Variants in CTNNA2 observed in about 807,000 individuals in gnomAD.
CTNNA2 encodes catenin alpha-2.
CTNNA2 carries 42 observed loss-of-function variants against 101.0 expected under a neutral mutation model. The ratio of observed to expected loss-of-function variants is 0.42; its 90% CI spans 0.32 to 0.54. The LOEUF is 0.54. Ranked by LOEUF, CTNNA2 falls within the 20% of genes least tolerant of loss-of-function variation. CTNNA2 has a pLI of 0.14. For missense variants in CTNNA2, 871 were observed against 1,223.1 expected (o/e 0.71, Z 4.29); for synonymous variants, 450 against 456.4 (o/e 0.99, Z 0.18).
chr2:79,188,985 T>C (rs1673817767), intron 1 of CTNNA2, among the ~76,000 whole-genome samples: 2 of 152,214 alleles, frequency 1.3e-5, no homozygotes, highest in Admixed American at 1.3e-4. Flanking sequence ...TTATTAAATA[T>C]GGTCAAACCA....
At chr2:79,612,846 A>T (rs1335747499) in intron 1 of CTNNA2, among the ~76,000 whole-genome samples, 1 of 152,144 alleles carries the variant, frequency 6.6e-6, no homozygotes, top group African/African-American at 2.4e-5. Context: ...TCATAGTTTA[A>T]TTTTTTTAAA....
At chr2:80,185,061 T>G (rs542492023) in intron 7 of CTNNA2, among the ~76,000 whole-genome samples, 20 of 152,340 alleles carry the variant, frequency 1.3e-4, no homozygotes, top group African/African-American at 4.6e-4. Flanking sequence ...CTGTGAGTTG[T>G]GAATTCAAGT....
At chr2:79,866,408 A>T (rs1682102512) in intron 4 of CTNNA2, 1 of 152,220 alleles carries the variant, frequency 6.6e-6, no homozygotes, top group South Asian at 2.1e-4. Context: ...GCCTGGCTGT[A>T]ATGTCCAAGA....
intron 7 of CTNNA2, among the ~76,000 whole-genome samples, chr2:80,158,013 C>T: frequency 6.6e-6 from 1 of 152,182 alleles, no homozygotes; most frequent in Non-Finnish European, 1.5e-5. Flanking sequence ...CTGAGCCTCT[C>T]ATGAGATTTT....
intron 6 of CTNNA2, among the ~76,000 whole-genome samples, chr2:79,902,498 C>G (rs1280440134): frequency 1.3e-5 from 2 of 152,254 alleles, no homozygotes; most frequent in Admixed American, 6.5e-5. Flanking sequence ...ATACCACTAC[C>G]CGATGTTCAT....
chr2:80,475,684 G>C (rs530943236), intron 9 of CTNNA2, among the ~76,000 whole-genome samples: 148 of 152,192 alleles, frequency 9.7e-4, no homozygotes, highest in Middle Eastern at 3.4e-3. Context: ...CATTTGAAGA[G>C]CTGCCTTAAT....
At chr2:80,130,120 C>T (rs910573502) in intron 7 of CTNNA2, among the ~76,000 whole-genome samples, 3 of 151,984 alleles carry the variant, frequency 2.0e-5, no homozygotes, top group Non-Finnish European at 4.4e-5. Context: ...CAAAGAGAAC[C>T]TATAACCCTT....
chr2:80,519,082 A>G (rs57493148), intron 9 of CTNNA2, among the ~76,000 whole-genome samples: 2,000 of 152,218 alleles, frequency 0.013, 51 homozygotes, highest in African/African-American at 0.045. Context: ...GCTTGATTTG[A>G]TAAGGGAATA....
At chr2:79,433,365 T>C (rs1678676697) in intron 4 of CTNNA2, among the ~76,000 whole-genome samples, 1 of 152,174 alleles carries the variant, frequency 6.6e-6, no homozygotes, top group African/African-American at 2.4e-5. Flanking sequence ...GCAAGTCAGA[T>C]CTCAGGTGAG....
At position 80,053,872 on chromosome 2, in the gene CTNNA2, G is replaced by A. The variant is rs560218890; in HGVS notation, c.1056+144075G>A. ...CTGTCATTTCTTAGCAAATTTGTAT[G>A]TAGATATGAAAGCATGCATCTTCAT... On this transcript the variant is annotated intron_variant, in intron 7 of 18. Coordinates refer to ENST00000402739, the MANE Select transcript of CTNNA2 (RefSeq NM_001282597.3). Among the ~76,000 whole-genome samples the A allele has an allele frequency of 1.1e-4, 16 of 152,290 alleles. 1 individual carries two copies. Among genetic ancestry groups the A allele is most frequent in the Admixed American group, 1.0e-3 (16 of 15,302 alleles).
chr2:79,312,483 G>A (rs184700765), intron 2 of CTNNA2, among the ~76,000 whole-genome samples: 140 of 152,236 alleles, frequency 9.2e-4, no homozygotes, highest in Non-Finnish European at 1.4e-3. Flanking sequence ...TGAGTACTTT[G>A]TGTGTCAGAA....
At chr2:80,597,489 T>C (rs1427224762) in intron 15 of CTNNA2, among the ~76,000 whole-genome samples, 1 of 152,098 alleles carries the variant, frequency 6.6e-6, no homozygotes, top group Admixed American at 6.5e-5. Flanking sequence ...CGAATTAATC[T>C]AAAGAGCTTC....
intron 11 of CTNNA2, among the ~76,000 whole-genome samples, chr2:80,547,230 A>G (rs973875408): frequency 2.0e-5 from 3 of 152,162 alleles, no homozygotes; most frequent in Non-Finnish European, 2.9e-5. Context: ...CAGCTTTTCA[A>G]TGATGGGGCA....
chr2:79,695,990 T>C (rs1054614828), intron 2 of CTNNA2, among the ~76,000 whole-genome samples: 1 of 151,948 alleles, frequency 6.6e-6, no homozygotes, highest in Non-Finnish European at 1.5e-5. Context: ...GCCAGGATGG[T>C]GTGGCTACCT....
At chr2:79,694,270 AG>A (rs1468165927) in intron 2 of CTNNA2, among the ~76,000 whole-genome samples, 1 of 152,022 alleles carries the variant, frequency 6.6e-6, no homozygotes, top group Non-Finnish European at 1.5e-5. Context: ...AGTAAAGTTC[AG>A]AAAGAAAAAA....
At chr2:80,151,781 C>A (rs547399152) in intron 7 of CTNNA2, among the ~76,000 whole-genome samples, 1 of 152,300 alleles carries the variant, frequency 6.6e-6, no homozygotes, top group South Asian at 2.1e-4. Flanking sequence ...ATGTTTCTGG[C>A]AAGGGTTGCC....
rs115160887 is a variant in CTNNA2 at position 79,715,743 on chromosome 2, T to C, written c.103-28644T>C. Among the ~76,000 whole-genome samples, 1,441 of 152,218 alleles carry C rather than the reference T, an allele frequency of 9.5e-3. 26 individuals carry two copies. Among genetic ancestry groups the C allele is most frequent in the African/African-American group, 0.033 (1,360 of 41,520 alleles). ...GAAACTTGGTAAAAAGAAATATATGTATAAATATGGAGCCATTGGACCGTC... is the reference window on the plus strand; with the variant it reads ...GAAACTTGGTAAAAAGAAATATATGCATAAATATGGAGCCATTGGACCGTC... On this transcript the variant is annotated intron_variant, in intron 2 of 18. Transcript: ENST00000402739.
chr2:79,860,546 G>GTTTTTTTTTTTTTTTTTTTTTTT lies in CTNNA2; in HGVS notation c.465+2386_465+2387insTTTTTTTTTTTTTTTTTTTTTTT, dbSNP rs56929879. Among the ~76,000 whole-genome samples, 31 of 107,190 alleles carry GTTTTTTTTTTTTTTTTTTTTTTT rather than the reference G, an allele frequency of 2.9e-4. 1 individual carries two copies. The highest frequency in any genetic ancestry group is 1.0e-3 in the African/African-American group (28 of 27,088). 70.3% of individuals were successfully genotyped at this position (107,190 alleles called of 152,430 possible). A position where few individuals can be genotyped will look rare whatever the true frequency, so the allele number is the denominator to read the frequency against. On this transcript the variant is annotated intron_variant, in intron 4 of 18. Transcript: ENST00000402739. ...TTCTCCACACAGCCGAGTAAGGGAA[G>GTTTTTTTTTTTTTTTTTTTTTTT]TTTTTTTTTTTTTTTTTTTAACGAT...
chr2:79,401,470 T>G (rs1367838712), intron 4 of CTNNA2, among the ~76,000 whole-genome samples: 3 of 151,632 alleles, frequency 2.0e-5, no homozygotes, highest in African/African-American at 7.2e-5. Context: ...AAACATACCA[T>G]GAGAAAGAGT....
Sources: gnomAD v4.1 joint callset for allele counts (sites outside exome capture counted in the v4.1 genomes callset) on GRCh38, gnomAD v4.1.1 for gene constraint, MANE v1.5 for transcripts, NCBI Gene and HGNC (gene_info 2026-07-23, HGNC 2026-07-21) for gene names.